NUP214: variants seen among roughly 807,000 people sequenced by gnomAD.
NUP214 encodes the protein nuclear pore complex protein Nup214.
A neutral mutation model predicts 196.2 loss-of-function variants in NUP214; 79 were observed. The observed-to-expected ratio is 0.40, with a 90% CI of 0.34 to 0.49. The LOEUF (loss-of-function observed/expected upper bound fraction) is 0.49. Among genes scored for constraint, NUP214 ranks in the 20% least tolerant of loss-of-function variants. NUP214 has a pLI of 0.58. For synonymous variants in NUP214, 1,020 were observed against 990.5 expected (o/e 1.03, Z -0.56); for missense variants, 2,468 against 2,539.0 (o/e 0.97, Z 0.60).
At chr9:131,212,634 G>A (rs1834277303) in intron 30 of NUP214, among the ~76,000 whole-genome samples, 1 of 152,206 alleles carries the variant, frequency 6.6e-6, no homozygotes, top group Non-Finnish European at 1.5e-5. Context: ...CTCTGCAGTG[G>A]TGGTTGGGTC....
intron 21 of NUP214, among the ~76,000 whole-genome samples, chr9:131,169,644 A>G (rs981860703): frequency 6.6e-6 from 1 of 152,214 alleles, no homozygotes; most frequent in African/African-American, 2.4e-5. Flanking sequence ...AAGTTCTACA[A>G]TTCAGAGTAG....
intron 30 of NUP214, among the ~76,000 whole-genome samples, chr9:131,213,896 G>T (rs1233310652): frequency 6.6e-6 from 1 of 152,160 alleles, no homozygotes; most frequent in African/African-American, 2.4e-5. Flanking sequence ...ATGTGTGACT[G>T]CCCTGAGTGA....
At chr9:131,152,986 G>A (rs1394188125) in intron 17 of NUP214, among the ~76,000 whole-genome samples, 1 of 151,904 alleles carries the variant, frequency 6.6e-6, no homozygotes, top group Non-Finnish European at 1.5e-5. Context: ...ACATTATCCA[G>A]GCTGGTCTCG....
intron 5 of NUP214, among the ~76,000 whole-genome samples, 194 bp from the exon 6 acceptor site, chr9:131,132,402 C>T (rs1016628940): frequency 6.6e-6 from 1 of 152,176 alleles, no homozygotes; most frequent in Non-Finnish European, 1.5e-5. Context: ...GCATGAGTCA[C>T]CACACCCAGC....
intron 34 of NUP214, 137 bp downstream of exon 34, chr9:131,230,906 A>G (rs1834857977): frequency 2.0e-6 from 2 of 1,019,250 alleles, no homozygotes; most frequent in Non-Finnish European, 1.4e-6. Context: ...CACGCCTGTA[A>G]TCCCAGCACT....
intron 18 of NUP214, among the ~76,000 whole-genome samples, chr9:131,161,748 G>A (rs894489690): frequency 6.6e-6 from 1 of 152,112 alleles, no homozygotes; most frequent in African/African-American, 2.4e-5. Flanking sequence ...CTTAACGTGC[G>A]TTCTGAGAAT....
intron 31 of NUP214, among the ~76,000 whole-genome samples, chr9:131,221,195 C>T (rs1020972883): frequency 1.3e-5 from 2 of 152,168 alleles, no homozygotes; most frequent in Admixed American, 6.5e-5. Context: ...TGTGGGACTC[C>T]GTCAAGGGAT....
At chr9:131,210,126 T>C (rs184411239) in intron 30 of NUP214, among the ~76,000 whole-genome samples, 1 of 152,220 alleles carries the variant, frequency 6.6e-6, no homozygotes, top group African/African-American at 2.4e-5. Flanking sequence ...CAGTCACCAC[T>C]GTTCTTCCAT....
intron 17 of NUP214, among the ~76,000 whole-genome samples, chr9:131,156,957 C>A (rs1017635635): frequency 6.6e-6 from 1 of 151,860 alleles, no homozygotes; most frequent in African/African-American, 2.4e-5. Context: ...TAATTGAATG[C>A]CTCAGTTTTA....
At chr9:131,138,204 C>T (rs768382944) in intron 9 of NUP214, among the ~76,000 whole-genome samples, 1 of 151,010 alleles carries the variant, frequency 6.6e-6, no homozygotes, top group Non-Finnish European at 1.5e-5. Flanking sequence ...CTTCCTTTCC[C>T]TCCACTCCCC....
At chr9:131,220,064 T>C (rs1834516833) in intron 31 of NUP214, among the ~76,000 whole-genome samples, 2 of 152,234 alleles carry the variant, frequency 1.3e-5, no homozygotes, top group African/African-American at 2.4e-5. Flanking sequence ...AGAAGATCCA[T>C]GTTTTGCCAG....
Position 131,184,802 on chromosome 9 carries a change from A to C in NUP214, c.3420-2487A>C, listed in dbSNP as rs568813378. Among the ~76,000 whole-genome samples the C allele has an allele frequency of 2.6e-5, 4 of 152,324 alleles. No homozygotes were observed. In the South Asian group the frequency reaches 6.2e-4, roughly 24 times the overall value. On this transcript the variant is annotated intron_variant, in intron 24 of 35. Transcript: ENST00000359428. ...GTCTTTGAAGACATTAAATTTACCA[A>C]TGGAGAAAATAGTTGGCAGTTATAT...
At chr9:131,189,575 G>A (rs182164674) in intron 26 of NUP214, among the ~76,000 whole-genome samples, 268 of 152,322 alleles carry the variant, frequency 1.8e-3, no homozygotes, top group Non-Finnish European at 3.2e-3. Flanking sequence ...CTATAAGGTA[G>A]AGAAAGTGAA....
intron 26 of NUP214, 145 bp from the exon 27 acceptor site, chr9:131,192,063 G>A: frequency 1.9e-6 from 1 of 521,248 alleles, no homozygotes; most frequent in Non-Finnish European, 3.3e-6. Flanking sequence ...ACTCCCCATG[G>A]CCACTGACGT....
chr9:131,189,069 C>T lies in NUP214; in HGVS notation c.3512C>T (p.Ser1171Phe), dbSNP rs755649908. Residue 1171 changes from serine (S) to phenylalanine (F), a missense_variant, in exon 26 of 36, where the codon TCC (serine) becomes TTC (phenylalanine). Around this residue, in one of 5 missense-constraint regions of NUP214, gnomAD observed 1,801 missense variants for 1,779.4 expected, o/e 1.01. Coordinates refer to ENST00000359428, the MANE Select transcript of NUP214 (RefSeq NM_005085.4). ...CTGTTATAGGGGTCTCTAATAAATTCCCTTAAGCCATCTGGGCCTACACCA... is the reference window on the plus strand; with the variant it reads ...CTGTTATAGGGGTCTCTAATAAATTTCCTTAAGCCATCTGGGCCTACACCA... ...NQAKQGSLIN[S>F]LKPSGPTPAS... 6.2e-7 allele frequency: 1 copy of T among 1,613,738 alleles called. No individual in the cohort carries two copies. The highest frequency in any genetic ancestry group is 1.1e-5 in the South Asian group (1 of 91,064).
intron 33 of NUP214, chr9:131,230,097 G>C: frequency 4.9e-6 from 1 of 204,908 alleles, no homozygotes; most frequent in Non-Finnish European, 1.0e-5. Context: ...TCTCCAGGTG[G>C]GGCGAGCAGG....
Position 131,198,651 on chromosome 9 carries a change from G to C in NUP214, c.5157G>C (p.Gly1719=), listed in dbSNP as rs1288623987. ...CAGCTTTTGGTACCACAGCCCCAGG[G>C]GTCTTTGGACAGACAACCTTCGGGC... ...SSPAFGTTAP[G]VFGQTTFGQA... The change falls in exon 29 of 36, where the codon GGG becomes GGC. Residue 1719 remains glycine (G), a synonymous_variant. Coordinates refer to ENST00000359428, the MANE Select transcript of NUP214 (RefSeq NM_005085.4). The C allele has an allele frequency of 6.2e-7, 1 of 1,614,206 alleles. No homozygotes were observed. Among genetic ancestry groups the C allele is most frequent in the Non-Finnish European group, 8.5e-7 (1 of 1,180,030 alleles).
chr9:131,231,483 A>AT (rs983100661), intron 34 of NUP214, among the ~76,000 whole-genome samples: 4 of 150,510 alleles, frequency 2.7e-5, no homozygotes, highest in Non-Finnish European at 5.9e-5. Context: ...TGGCATATAT[A>AT]TTTTTTTTTA....
intron 17 of NUP214, among the ~76,000 whole-genome samples, chr9:131,155,026 G>C (rs1478877923): frequency 6.6e-6 from 1 of 152,198 alleles, no homozygotes. Context: ...AGGATTGCTG[G>C]ATCAAATGGT....
Sources: allele counts gnomAD v4.1 joint callset (sites outside exome capture counted in the v4.1 genomes callset), GRCh38; gene constraint gnomAD v4.1.1; regional missense constraint gnomAD v4.1.1; transcripts MANE v1.5; gene names NCBI Gene and HGNC (gene_info 2026-07-23, HGNC 2026-07-21).